CLYBL: variants seen among roughly 807,000 people sequenced by gnomAD.
CLYBL encodes citramalyl-CoA lyase, also known as citramalyl-CoA lyase, mitochondrial.
CLYBL carries 31 observed loss-of-function variants against 38.9 expected under a neutral mutation model. That is an observed-to-expected ratio of 0.80 (90% CI 0.60 to 1.08). CLYBL has a LOEUF of 1.08. Among genes scored for constraint, CLYBL ranks in the 50% least tolerant of loss-of-function variants. CLYBL has a pLI of 0.00. For synonymous variants in CLYBL, 171 were observed against 158.6 expected (o/e 1.08, Z -0.59); for missense variants, 434 against 411.6 (o/e 1.05, Z -0.47).
At chr13:99,646,277 GC>G (rs1397210427) in intron 1 of CLYBL, among the ~76,000 whole-genome samples, 1 of 152,032 alleles carries the variant, frequency 6.6e-6, no homozygotes, top group East Asian at 1.9e-4. Context: ...CACTCCTTTA[GC>G]CCCTTTTAAT....
At chr13:99,650,361 A>C (rs890706087) in intron 1 of CLYBL, among the ~76,000 whole-genome samples, 1 of 152,142 alleles carries the variant, frequency 6.6e-6, no homozygotes, top group African/African-American at 2.4e-5. Context: ...GTTTAAGGCT[A>C]CGGTGAACTA....
In CLYBL at chr13:99,813,784, T is replaced by C. The variant is rs76640817; in HGVS notation, c.249+40774T>C. ...TATATACTTATATATAAGTGCTCCATATGCCTTCCCTGTAAACTAGATGTT... is the reference window on the plus strand; with the variant it reads ...TATATACTTATATATAAGTGCTCCACATGCCTTCCCTGTAAACTAGATGTT... On this transcript the variant is annotated intron_variant, in intron 2 of 8. Coordinates refer to ENST00000339105, the MANE Select transcript of CLYBL (RefSeq NM_206808.5). 8.4e-3 allele frequency among the ~76,000 whole-genome samples: 1,282 copies of C among 152,298 alleles called. 8 individuals carry two copies. Among genetic ancestry groups the C allele is most frequent in the African/African-American group, 0.03 (1,252 of 41,548 alleles).
chr13:99,703,103 A>G (rs1379724783), intron 1 of CLYBL, among the ~76,000 whole-genome samples: 1 of 152,244 alleles, frequency 6.6e-6, no homozygotes, highest in Non-Finnish European at 1.5e-5. Context: ...CCAGACTATT[A>G]TGCAAACAGG....
intron 7 of CLYBL, among the ~76,000 whole-genome samples, chr13:99,879,906 A>T (rs185896427): frequency 6.6e-6 from 1 of 152,158 alleles, no homozygotes; most frequent in South Asian, 2.1e-4. Flanking sequence ...TGGGGCTGGT[A>T]ATAATAACCA....
intron 1 of CLYBL, among the ~76,000 whole-genome samples, chr13:99,609,816 A>G (rs2139167149): frequency 6.6e-6 from 1 of 152,350 alleles, no homozygotes; most frequent in African/African-American, 2.4e-5. Context: ...GATTACAGGC[A>G]TGAGCCATCA....
intron 1 of CLYBL, among the ~76,000 whole-genome samples, chr13:99,762,544 G>A (rs377101738): frequency 1.3e-5 from 2 of 152,046 alleles, no homozygotes; most frequent in Non-Finnish European, 2.9e-5. Flanking sequence ...GTTTTTATGC[G>A]GGTACCATGC....
chr13:99,886,751 T>C (rs2052359856), intron 7 of CLYBL, among the ~76,000 whole-genome samples: 1 of 152,232 alleles, frequency 6.6e-6, no homozygotes. Context: ...AGTGCAGCCA[T>C]GGCAGGCCCT....
At chr13:99,871,479 G>T (rs900321332) in intron 7 of CLYBL, among the ~76,000 whole-genome samples, 2 of 152,070 alleles carry the variant, frequency 1.3e-5, no homozygotes. Context: ...TTTTAATTTG[G>T]GGGGAAAAAA....
At chr13:99,772,681 A>G in intron 1 of CLYBL, 143 bp from the exon 2 acceptor site, 1 of 688,716 alleles carries the variant, frequency 1.5e-6, no homozygotes, top group Non-Finnish European at 2.3e-6. Context: ...TGGGCGACAG[A>G]GCAAGACCCT....
At chr13:99,676,565 C>T (rs184961871) in intron 1 of CLYBL, among the ~76,000 whole-genome samples, 22 of 151,132 alleles carry the variant, frequency 1.5e-4, no homozygotes, top group African/African-American at 5.1e-4. Flanking sequence ...GCTGGGATTA[C>T]AGGCATGAGC....
intron 1 of CLYBL, among the ~76,000 whole-genome samples, chr13:99,715,081 T>G (rs2139506355): frequency 6.6e-6 from 1 of 152,318 alleles, no homozygotes; most frequent in East Asian, 1.9e-4. Context: ...GATCACCACA[T>G]ATCAGTGTCT....
rs1299205125 is a variant in CLYBL, at chr13:99,817,664, AAAAAAAAAAG to A, written c.250-41192_250-41183del. On this transcript the variant is annotated intron_variant, in intron 2 of 8. Coordinates refer to ENST00000339105, the MANE Select transcript of CLYBL (RefSeq NM_206808.5). ...AGCGAGACTCTGTCTCAAAAAAAAA[AAAAAAAAAAG>A]AAAAGAAAAAAGAAAAGCACTGAGC... Among the ~76,000 whole-genome samples the A allele has an allele frequency of 2.0e-5, 3 of 149,874 alleles. No homozygotes were observed. The South Asian group carries it at 6.4e-4, about 32-fold the overall frequency.
chr13:99,758,434 A>G (rs2049105729), intron 1 of CLYBL, among the ~76,000 whole-genome samples: 2 of 152,244 alleles, frequency 1.3e-5, no homozygotes, highest in Non-Finnish European at 2.9e-5. Context: ...ATACAGTTAC[A>G]TATTGACTAT....
At chr13:99,665,917 C>T (rs1008290563) in intron 1 of CLYBL, among the ~76,000 whole-genome samples, 8 of 152,196 alleles carry the variant, frequency 5.3e-5, no homozygotes, top group African/African-American at 1.9e-4. Context: ...TTAAATCTGT[C>T]ACTCTTTAAC....
chr13:99,739,082 T>G (rs142338650), intron 1 of CLYBL, among the ~76,000 whole-genome samples: 112 of 152,318 alleles, frequency 7.4e-4, no homozygotes, highest in Middle Eastern at 3.4e-3. Flanking sequence ...TAGGATCATG[T>G]CTGTTTTTAA....
At chr13:99,647,378 C>G (rs1290367455) in intron 1 of CLYBL, among the ~76,000 whole-genome samples, 2 of 152,106 alleles carry the variant, frequency 1.3e-5, no homozygotes, top group African/African-American at 4.8e-5. Flanking sequence ...TAGAGCTTCC[C>G]AATTCCATAG....
intron 2 of CLYBL, among the ~76,000 whole-genome samples, chr13:99,817,571 C>T (rs942897536): frequency 6.8e-6 from 1 of 147,186 alleles, no homozygotes; most frequent in Non-Finnish European, 1.5e-5. Flanking sequence ...AGGAGAATGG[C>T]GTGAACCCGG....
chr13:99,657,899 A>G (rs2047351330), intron 1 of CLYBL, among the ~76,000 whole-genome samples: 1 of 152,216 alleles, frequency 6.6e-6, no homozygotes, highest in Non-Finnish European at 1.5e-5. Flanking sequence ...CCAGGAACAG[A>G]AGCCAAGTCG....
intron 1 of CLYBL, among the ~76,000 whole-genome samples, chr13:99,695,921 T>G (rs1375197927): frequency 6.6e-6 from 1 of 152,186 alleles, no homozygotes; most frequent in Non-Finnish European, 1.5e-5. Context: ...TCTGCAGTTT[T>G]CTCGATTTCT....
Sources: gnomAD v4.1 joint callset for allele counts (sites outside exome capture counted in the v4.1 genomes callset) on GRCh38, gnomAD v4.1.1 for gene constraint, MANE v1.5 for transcripts, NCBI Gene and HGNC (gene_info 2026-07-23, HGNC 2026-07-21) for gene names.